Variants in GC observed in about 807,000 individuals in gnomAD.
GC encodes the protein vitamin D-binding protein.
GC carries 43 observed loss-of-function variants against 56.7 expected under a neutral mutation model. The observed-to-expected ratio is 0.76, with a 90% CI of 0.59 to 0.98. The LOEUF (loss-of-function observed/expected upper bound fraction) is 0.98, where lower values mean the gene tolerates loss of function less well. Among genes scored for constraint, GC ranks in the 50% least tolerant of loss-of-function variants. The pLI is 0.00. For synonymous variants in GC, 216 were observed against 202.7 expected, an observed-to-expected ratio of 1.07 and a Z score of -0.56; for missense variants, 529 against 545.9, an observed-to-expected ratio of 0.97 and a Z score of 0.31.
rs369517935 is a variant in GC at position 71,791,911 on chromosome 4, C to T, written c.22-7857G>A. On this transcript the variant is annotated intron_variant, in intron 1 of 13. Coordinates refer to the GC transcript ENST00000504199. ...ATTCCCACCTATGAATGAGAACATG[C>T]GGTGTTTGCTTTTCTGTCCTTGTGA... Among the ~76,000 whole-genome samples, 346 of 152,170 alleles carry T rather than the reference C, an allele frequency of 2.3e-3. 2 individuals carry two copies. The highest frequency in any genetic ancestry group is 7.4e-3 in the African/African-American group (309 of 41,520).
chr4:71,801,761 TTAAC>T (rs146973957), intron 1 of GC, among the ~76,000 whole-genome samples: 8,083 of 152,186 alleles, frequency 0.053, 476 homozygotes, highest in African/African-American at 0.14. Context: ...AAGAGTAAAT[TTAAC>T]TAGCATATTT....
intron 8 of GC, 119 bp from the exon 9 acceptor site, chr4:71,755,226 CATCTTGGCT>C (rs1333144565): frequency 6.6e-6 from 2 of 301,416 alleles, no homozygotes. Flanking sequence ...GAAGTGGTGC[CATCTTGGCT>C]CGCTGTAACC....
chr4:71,781,370 G>T (rs1043340671), intron 1 of GC, among the ~76,000 whole-genome samples: 5 of 150,476 alleles, frequency 3.3e-5, no homozygotes, highest in African/African-American at 1.2e-4. Flanking sequence ...ATGTACCCTA[G>T]AACTTAAAGT....
upstream of GC, among the ~76,000 whole-genome samples, chr4:71,788,814 T>C (rs1560712327): frequency 6.6e-6 from 1 of 151,994 alleles, no homozygotes; most frequent in Non-Finnish European, 1.5e-5. Flanking sequence ...TACACCTCTT[T>C]CCACCTTTAT....
At chr4:71,788,550 C>T (rs16847039), upstream of GC, among the ~76,000 whole-genome samples, 35,737 of 147,688 alleles carry the variant, frequency 0.24, 4,822 homozygotes, top group African/African-American at 0.39. Context: ...AAAAACACTT[C>T]CATAAAGAAA....
chr4:71,751,127 G>C (rs1030005585), intron 11 of GC, among the ~76,000 whole-genome samples: 1 of 152,146 alleles, frequency 6.6e-6, no homozygotes, highest in African/African-American at 2.4e-5. Flanking sequence ...AAAATGAAAT[G>C]CTTGCTGGAG....
intron 1 of GC, among the ~76,000 whole-genome samples, chr4:71,769,845 T>C (rs769731550): frequency 2.6e-4 from 40 of 152,120 alleles, no homozygotes; most frequent in Admixed American, 1.1e-3. Context: ...CTACAAATAA[T>C]TGGAGACTGT....
At position 71,768,327 on chromosome 4, in the gene GC, C is replaced by T; in HGVS notation, c.235G>A (p.Ala79Thr). 6.2e-7 allele frequency: 1 copy of T among 1,612,410 alleles called. No individual in the cohort carries two copies. The highest frequency in any genetic ancestry group is 8.5e-7 in the Non-Finnish European group (1 of 1,179,264). Residue 79 changes from alanine to threonine, a missense_variant, in exon 3 of 13, where the codon GCT (alanine) becomes ACT (threonine). Physicochemically the swap from Ala to Thr is moderately conservative, Grantham distance 58 (BLOSUM62 0). Coordinates refer to ENST00000273951, the MANE Select transcript of GC (RefSeq NM_000583.4). Reference sequence around the variant, plus strand: ...CTGGTGTCATAGCAGTCAGGGTCAGCCCCTTCCGCACAGCAGGCTTCGGTC... The same window carrying T: ...CTGGTGTCATAGCAGTCAGGGTCAGTCCCTTCCGCACAGCAGGCTTCGGTC... Reference protein sequence around the residue: ...SLTEACCAEGADPDCYDTRTS... With the variant: ...SLTEACCAEGTDPDCYDTRTS...
chr4:71,783,989 A>C lies in GC; in HGVS notation c.30T>G (p.Ala10=). 6.2e-7 allele frequency: 1 copy of C among 1,602,770 alleles called. No homozygotes were observed. The highest frequency in any genetic ancestry group is 8.5e-7 in the Non-Finnish European group (1 of 1,173,432). Reference sequence around the variant, plus strand: ...TCTCTAAAGCATGTCCAAATGCCACAGCAAGCAGTAGTACCAGGACCCTCT... The same window carrying C: ...TCTCTAAAGCATGTCCAAATGCCACCGCAAGCAGTAGTACCAGGACCCTCT... MKRVLVLLL[A]VAFGHALERG... Residue 10 remains alanine (A), a synonymous_variant, in exon 1 of 13, where the codon GCT becomes GCG. Coordinates refer to ENST00000273951, the MANE Select transcript of GC (RefSeq NM_000583.4).
chr4:71,755,009 A>C lies in GC; in HGVS notation c.1133T>G (p.Val378Gly), dbSNP rs143944893. ...TLKSLGECCD[V>G]EDSTTCFNAK... ...ATTAAAACAGGTAGTTGAGTCTTCA[A>C]CATCACAGCATTCACCAAGGCTTTT... Residue 378 changes from valine (V) to glycine (G), a missense_variant, in exon 9 of 13, where the codon GTT becomes GGT. Transcript: ENST00000273951. The C allele has an allele frequency of 1.7e-4, 272 of 1,595,470 alleles. No individual in the cohort carries two copies. Among genetic ancestry groups the C allele is most frequent in the Non-Finnish European group, 2.1e-4 (252 of 1,173,392 alleles).
At chr4:71,749,411 T>C (rs1350395840) in intron 11 of GC, among the ~76,000 whole-genome samples, 3 of 152,174 alleles carry the variant, frequency 2.0e-5, no homozygotes, top group African/African-American at 4.8e-5. Flanking sequence ...TTGTCTTGTA[T>C]GGTGTCAGGC....
Position 71,769,409 on chromosome 4 carries a change from C to T in GC, c.59-9G>A. 3 of 1,602,718 alleles carry T rather than the reference C, an allele frequency of 1.9e-6. No individual in the cohort carries two copies. Among genetic ancestry groups the T allele is most frequent in the Non-Finnish European group, 2.6e-6 (3 of 1,170,322 alleles). On this transcript the variant is annotated splice_polypyrimidine_tract_variant and intron_variant, in intron 1 of 12. Transcript: ENST00000273951. Reference sequence around the variant, plus strand: ...CTTTTCATAATCCCGGCCTAGGAGGCAGAAATAGAAAAATTTGTATGTGTC... The same window carrying T: ...CTTTTCATAATCCCGGCCTAGGAGGTAGAAATAGAAAAATTTGTATGTGTC...
chr4:71,746,238 T>A (rs367874733), intron 11 of GC, 33 bp from the exon 12 acceptor site: 1 of 1,028,402 alleles, frequency 9.7e-7, no homozygotes, highest in Admixed American at 1.8e-5. Context: ...ATATAACTTA[T>A]GAAGTATTTC....
At chr4:71,768,644 T>G (rs149002202) in intron 2 of GC, among the ~76,000 whole-genome samples, 452 of 152,258 alleles carry the variant, frequency 3.0e-3, no homozygotes, top group Admixed American at 6.2e-3. Context: ...TTTTGTATTT[T>G]TAGTAGAGAC....
At chr4:71,752,888 A>T (rs1741602653) in intron 10 of GC, among the ~76,000 whole-genome samples, 1 of 152,168 alleles carries the variant, frequency 6.6e-6, no homozygotes, top group South Asian at 2.1e-4. Context: ...TTGGAAGTCC[A>T]GTCTTCTTTC....
intron 1 of GC, among the ~76,000 whole-genome samples, chr4:71,789,805 A>G (rs1200860837): frequency 6.6e-6 from 1 of 151,928 alleles, no homozygotes; most frequent in East Asian, 1.9e-4. Flanking sequence ...CTTTATGTGT[A>G]GAAGAATGAG....
upstream of GC, among the ~76,000 whole-genome samples, chr4:71,787,925 G>T (rs149148531): frequency 7.7e-4 from 117 of 152,010 alleles, no homozygotes; most frequent in African/African-American, 2.7e-3. Flanking sequence ...TGAGTAGGCA[G>T]CTGGGTCCAT....
chr4:71,759,032 C>T lies in GC; in HGVS notation c.702-861G>A, dbSNP rs1741876969. 3.3e-5 allele frequency among the ~76,000 whole-genome samples: 5 copies of T among 152,118 alleles called. No individual in the cohort carries two copies. In the South Asian group the frequency reaches 1.0e-3, roughly 31 times the overall value. On this transcript the variant is annotated intron_variant, in intron 6 of 12. Coordinates refer to ENST00000273951, the MANE Select transcript of GC (RefSeq NM_000583.4). ...ATACTTCGTATGAGTTGGAATTGTA[C>T]AGTATTTGTCCTTTTCAGACTGGCA...
At chr4:71,789,837 G>T (rs1343846712) in intron 1 of GC, among the ~76,000 whole-genome samples, 1 of 151,908 alleles carries the variant, frequency 6.6e-6, no homozygotes, top group African/African-American at 2.4e-5. Context: ...GAGTGAAAGA[G>T]ATGTGAGAAA....
Sources: gnomAD v4.1 joint callset for allele counts (sites outside exome capture counted in the v4.1 genomes callset) on GRCh38, gnomAD v4.1.1 for gene constraint, MANE v1.5 for transcripts, NCBI Gene and HGNC (gene_info 2026-07-23, HGNC 2026-07-21) for gene names.